KIF16B: variants seen among roughly 807,000 people sequenced by gnomAD.
KIF16B encodes kinesin family member 16B.
KIF16B carries 98 observed loss-of-function variants against 156.3 expected under a neutral mutation model. The observed-to-expected ratio is 0.63, with a 90% CI of 0.53 to 0.74. The LOEUF (loss-of-function observed/expected upper bound fraction) is 0.74, where lower values mean the gene tolerates loss of function less well. Among genes scored for constraint, KIF16B ranks in the 30% least tolerant of loss-of-function variants. The pLI is 0.00. For synonymous variants in KIF16B, 564 were observed against 583.7 expected, an observed-to-expected ratio of 0.97 and a Z score of 0.49; for missense variants, 1,421 against 1,606.5, an observed-to-expected ratio of 0.88 and a Z score of 1.97.
intron 1 of KIF16B, among the ~76,000 whole-genome samples, chr20:16,552,493 C>T (rs1412179315): frequency 1.3e-5 from 2 of 152,134 alleles, no homozygotes; most frequent in African/African-American, 4.8e-5. Flanking sequence ...AGGCTAGTCT[C>T]CACTTCAGGT....
chr20:16,561,857 A>C (rs1457892670), intron 1 of KIF16B, among the ~76,000 whole-genome samples: 2 of 152,236 alleles, frequency 1.3e-5, no homozygotes, highest in Non-Finnish European at 2.9e-5. Flanking sequence ...TACTCTTCAA[A>C]AATTAAGGTT....
chr20:16,277,830 C>T (rs943104979), intron 25 of KIF16B, among the ~76,000 whole-genome samples: 1 of 152,176 alleles, frequency 6.6e-6, no homozygotes, highest in African/African-American at 2.4e-5. Context: ...TTTCACAGGA[C>T]ATTTTCTCCA....
intron 17 of KIF16B, among the ~76,000 whole-genome samples, chr20:16,400,378 T>C (rs2065618495): frequency 6.6e-6 from 1 of 152,190 alleles, no homozygotes; most frequent in Non-Finnish European, 1.5e-5. Context: ...GATGAGGATA[T>C]GGAGAAACTG....
In KIF16B at chr20:16,508,114, T is replaced by C. The variant is rs747326070; in HGVS notation, c.557-14A>G. On this transcript the variant is annotated splice_polypyrimidine_tract_variant and intron_variant, in intron 6 of 25. Coordinates refer to ENST00000354981, the MANE Select transcript of KIF16B (RefSeq NM_024704.5). ...GTTTGGATAAATCTGAAAAAGAAAATGGAAGGGGTGAAGAAATCCCCCTAA... is the reference window on the plus strand; with the variant it reads ...GTTTGGATAAATCTGAAAAAGAAAACGGAAGGGGTGAAGAAATCCCCCTAA... 3 of 1,613,246 alleles carry C rather than the reference T, an allele frequency of 1.9e-6. No individual in the cohort carries two copies. In the Admixed American group the frequency reaches 5.0e-5, roughly 27 times the overall value.
chr20:16,502,297 T>C (rs2068648771), intron 10 of KIF16B, among the ~76,000 whole-genome samples: 1 of 152,112 alleles, frequency 6.6e-6, no homozygotes, highest in Non-Finnish European at 1.5e-5. Flanking sequence ...AATAGAGCAA[T>C]ACTCCCAGAA....
intron 25 of KIF16B, among the ~76,000 whole-genome samples, chr20:16,295,894 T>C (rs2122539129): frequency 6.6e-6 from 1 of 152,340 alleles, no homozygotes; most frequent in South Asian, 2.1e-4. Context: ...CAAAACTATT[T>C]TCATAACTCA....
intron 4 of KIF16B, 101 bp from the exon 5 acceptor site, chr20:16,513,024 T>C: frequency 1.3e-6 from 1 of 793,284 alleles, no homozygotes; most frequent in Non-Finnish European, 2.1e-6. Context: ...AAGTGACCTG[T>C]ATGCCAACCC....
At chr20:16,375,554 T>C (rs1425835700) in intron 19 of KIF16B, among the ~76,000 whole-genome samples, 1 of 150,676 alleles carries the variant, frequency 6.6e-6, no homozygotes, top group Non-Finnish European at 1.5e-5. Flanking sequence ...CAAGTACTTC[T>C]AGAGCATCAA....
intron 1 of KIF16B, among the ~76,000 whole-genome samples, chr20:16,541,182 C>T (rs1268446048): frequency 6.6e-6 from 1 of 152,220 alleles, no homozygotes; most frequent in Admixed American, 6.5e-5. Context: ...GTGACTCCAA[C>T]CACTCCTCGC....
intron 25 of KIF16B, among the ~76,000 whole-genome samples, chr20:16,284,293 C>T (rs1261895313): frequency 1.3e-5 from 2 of 152,214 alleles, no homozygotes; most frequent in Non-Finnish European, 2.9e-5. Flanking sequence ...ACTACTGATA[C>T]TTGCCACTCA....
intron 1 of KIF16B, among the ~76,000 whole-genome samples, chr20:16,532,099 G>A (rs978535472): frequency 9.9e-5 from 15 of 151,104 alleles, no homozygotes; most frequent in African/African-American, 2.4e-4. Context: ...TATAACTTAC[G>A]TAGGGAAATG....
At chr20:16,411,766 C>T (rs6111101) in intron 15 of KIF16B, among the ~76,000 whole-genome samples, 73,980 of 151,594 alleles carry the variant, frequency 0.49, 19,118 homozygotes, top group East Asian at 0.69. Context: ...ACTAGGGGGG[C>T]CTCTTTTCCT....
chr20:16,367,625 T>G (rs758209513), intron 22 of KIF16B: 43 of 1,612,618 alleles, frequency 2.7e-5, no homozygotes, highest in Non-Finnish European at 3.6e-5. Flanking sequence ...ACTTCCATAT[T>G]TCCATGAAGA....
At chr20:16,484,037 T>C (rs1490996526) in intron 12 of KIF16B, among the ~76,000 whole-genome samples, 5 of 152,078 alleles carry the variant, frequency 3.3e-5, no homozygotes, top group African/African-American at 4.8e-5. Flanking sequence ...TCTCTGACCG[T>C]AGCAATAAAT....
intron 22 of KIF16B, among the ~76,000 whole-genome samples, chr20:16,363,930 A>G (rs1182982631): frequency 6.6e-6 from 1 of 152,258 alleles, no homozygotes; most frequent in Non-Finnish European, 1.5e-5. Flanking sequence ...TGTCTAAGCT[A>G]CATACTGGAA....
Position 16,371,695 on chromosome 20 carries a change from T to C in KIF16B, c.3417A>G (p.Glu1139=). ...TCGTGTCTGCAGATGTACTGCAGCC[T>C]TCACTAATCACACGATGCAAATCCT... ...RLQDLHRVIS[E]GCSTSADTMK... Residue 1139 remains glutamate (E), a synonymous_variant, in exon 21 of 26, where the codon GAA becomes GAG. Coordinates refer to ENST00000354981, the MANE Select transcript of KIF16B (RefSeq NM_024704.5). The C allele has an allele frequency of 6.2e-7, 1 of 1,613,790 alleles. No homozygotes were observed. Among genetic ancestry groups the C allele is most frequent in the Non-Finnish European group, 8.5e-7 (1 of 1,179,740 alleles).
intron 17 of KIF16B, among the ~76,000 whole-genome samples, chr20:16,387,684 C>T (rs1286241939): frequency 1.3e-5 from 2 of 152,116 alleles, no homozygotes; most frequent in Non-Finnish European, 2.9e-5. Flanking sequence ...GGCAACTGTA[C>T]GGACAGTCAA....
chr20:16,275,506 T>A (rs1312030987), intron 25 of KIF16B, among the ~76,000 whole-genome samples: 2 of 152,200 alleles, frequency 1.3e-5, no homozygotes, highest in Admixed American at 1.3e-4. Context: ...TGGAATCACA[T>A]CTTCTTCTGG....
At chr20:16,394,752 T>C (rs1289842628) in intron 17 of KIF16B, among the ~76,000 whole-genome samples, 1 of 151,918 alleles carries the variant, frequency 6.6e-6, no homozygotes, top group Non-Finnish European at 1.5e-5. Flanking sequence ...TAAGACAAAT[T>C]ATAAAGTAGC....
Sources: gnomAD v4.1 joint callset for allele counts (sites outside exome capture counted in the v4.1 genomes callset) on GRCh38, gnomAD v4.1.1 for gene constraint, MANE v1.5 for transcripts, NCBI Gene and HGNC (gene_info 2026-07-23, HGNC 2026-07-21) for gene names.